Variants in CRTAP observed in about 807,000 individuals in gnomAD.
CRTAP encodes the protein cartilage associated protein.
In CRTAP, 33 loss-of-function variants were observed where a neutral mutation model predicts 42.7. The ratio of observed to expected loss-of-function variants is 0.77; its 90% CI spans 0.59 to 1.03. The LOEUF is 1.03. Ranked by LOEUF, CRTAP falls within the 50% of genes least tolerant of loss-of-function variation. CRTAP has a pLI of 0.00. For missense variants in CRTAP, 613 were observed against 533.9 expected, an observed-to-expected ratio of 1.15 and a Z score of -1.46; for synonymous variants, 243 against 217.7, an observed-to-expected ratio of 1.12 and a Z score of -1.02.
At position 33,129,827 on chromosome 3, in the gene CRTAP, G is replaced by A. The variant is rs574354724; in HGVS notation, c.794-112G>A. 7.0e-5 allele frequency: 76 copies of A among 1,086,832 alleles called. 1 individual carries two copies. The highest frequency in any genetic ancestry group is 3.2e-4 in the South Asian group (25 of 78,784). The allele number at this position is 1,086,832 out of a possible 1,614,324, so 67.3% of individuals were successfully genotyped here. On this transcript the variant is annotated intron_variant, in intron 3 of 6. Transcript: ENST00000320954. ...GCTGGGATTACAGGCGTGAGCCACC[G>A]CGCCCGGCCTGTAAATATTTTTCTT...
intron 1 of CRTAP, among the ~76,000 whole-genome samples, chr3:33,118,538 G>C (rs1559432435): frequency 1.3e-5 from 2 of 152,216 alleles, no homozygotes; most frequent in Non-Finnish European, 2.9e-5. Context: ...GTCTCAAAAT[G>C]ACTTGGTTCC....
At chr3:33,136,816 C>G (rs1192842673) in intron 6 of CRTAP, among the ~76,000 whole-genome samples, 2 of 152,168 alleles carry the variant, frequency 1.3e-5, no homozygotes, top group Non-Finnish European at 2.9e-5. Context: ...ATCCGCCCAC[C>G]TGACCCAAAT....
intron 4 of CRTAP, among the ~76,000 whole-genome samples, chr3:33,130,851 T>C (rs1480666174): frequency 1.3e-5 from 2 of 152,136 alleles, no homozygotes; most frequent in Admixed American, 6.5e-5. Flanking sequence ...TTCATTCTAG[T>C]TGGTCCTCCC....
At position 33,114,165 on chromosome 3, in the gene CRTAP, C is replaced by T. The variant is rs553076085; in HGVS notation, c.88C>T (p.Arg30Cys). Residue 30 changes from arginine (R) to cysteine (C), a missense_variant, in exon 1 of 7, where the codon CGC becomes TGC. Physicochemically the swap from Arg to Cys is radical, Grantham distance 180 (BLOSUM62 -3). Transcript: ENST00000320954. ...ALRAGRAQYERYSFRSFPRDE... is the reference protein window; with the variant it reads ...ALRAGRAQYECYSFRSFPRDE... ...GCGCGCCGGGCGCGCCCAATACGAACGCTACAGCTTCCGCAGCTTCCCACG... is the reference window on the plus strand; with the variant it reads ...GCGCGCCGGGCGCGCCCAATACGAATGCTACAGCTTCCGCAGCTTCCCACG... 77 of 1,588,852 alleles carry T rather than the reference C, an allele frequency of 4.8e-5. 2 individuals carry two copies. In the South Asian group the frequency reaches 8.0e-4, roughly 16 times the overall value.
chr3:33,115,708 G>A (rs903771868), intron 1 of CRTAP, among the ~76,000 whole-genome samples: 6 of 151,916 alleles, frequency 3.9e-5, no homozygotes, highest in Non-Finnish European at 1.5e-5. Context: ...TGAGGTAGAA[G>A]GTTTTTGTTT....
rs1156498902 is a variant in CRTAP at position 33,144,759 on chromosome 3, GAA to G, written c.*2314_*2315del. The G allele has an allele frequency of 6.6e-6, 1 of 152,280 alleles. No homozygotes were observed. Among genetic ancestry groups the G allele is most frequent in the Non-Finnish European group, 1.5e-5 (1 of 68,084 alleles). 9.4% of individuals were successfully genotyped at this position (152,280 alleles called of 1,614,324 possible). On this transcript the variant is annotated 3_prime_UTR_variant, in exon 7 of 7. Coordinates refer to ENST00000320954, the MANE Select transcript of CRTAP (RefSeq NM_006371.5). ...CTCTGAGTATTACTGAGAAGCAACA[GAA>G]AAGAGCCATGGATGGAGCCCTTGGG...
rs11558338 is a variant in CRTAP, at chr3:33,114,290, G to A, written c.213G>A (p.Leu71=). The A allele has an allele frequency of 0.11, 177,223 of 1,571,126 alleles. 15,116 individuals carry two copies. The highest frequency in any genetic ancestry group is 0.51 in the East Asian group (21,784 of 42,574). ...AESVGYLEIS[L]RLHRLLRDSE... ...GCGTGGGCTACCTGGAGATCAGCCT[G>A]CGGCTGCACCGCTTGCTGCGCGACA... is the stretch of plus-strand genomic sequence containing the variant. Residue 71 remains leucine (L), a synonymous_variant, in exon 1 of 7, where the codon CTG becomes CTA. Transcript: ENST00000320954.
chr3:33,119,555 T>G (rs1465384959), intron 1 of CRTAP, among the ~76,000 whole-genome samples: 1 of 152,174 alleles, frequency 6.6e-6, no homozygotes, highest in African/African-American at 2.4e-5. Flanking sequence ...ATGGTGCTCT[T>G]GTAATATGAC....
At chr3:33,114,644 T>A in intron 1 of CRTAP, 96 bp downstream of exon 1, 2 of 1,213,802 alleles carry the variant, frequency 1.6e-6, no homozygotes, top group Non-Finnish European at 2.3e-6. Context: ...GCGTTGCCCC[T>A]CCAGTTCTAG....
At chr3:33,132,502 T>G in intron 4 of CRTAP, 53 bp from the exon 5 acceptor site, 1 of 1,610,344 alleles carries the variant, frequency 6.2e-7, no homozygotes, top group Non-Finnish European at 8.5e-7. Flanking sequence ...AGCAGAGAAA[T>G]TATAGGGTGT....
At chr3:33,120,556 A>G in intron 2 of CRTAP, 63 bp downstream of exon 2, 6 of 1,554,002 alleles carry the variant, frequency 3.9e-6, no homozygotes, top group Non-Finnish European at 4.4e-6. Context: ...ATGTCTCTCC[A>G]TAAGCAGCTG....
At chr3:33,122,705 G>A (rs2029916430) in intron 2 of CRTAP, among the ~76,000 whole-genome samples, 1 of 76,548 alleles carries the variant, frequency 1.3e-5, no homozygotes, top group Non-Finnish European at 2.2e-5. Context: ...GCAAGACTCT[G>A]TCTCAAAAAA....
intron 6 of CRTAP, among the ~76,000 whole-genome samples, chr3:33,141,631 T>C (rs1369708402): frequency 6.6e-6 from 1 of 152,204 alleles, no homozygotes; most frequent in African/African-American, 2.4e-5. Context: ...TTGACTCTTA[T>C]GGAAGGGGCC....
At position 33,142,895 on chromosome 3, in the gene CRTAP, C is replaced by T. The variant is rs2030620244; in HGVS notation, c.*447C>T. On this transcript the variant is annotated 3_prime_UTR_variant, in exon 7 of 7. Transcript: ENST00000320954. ...TCTCGAACTCTTGACTTCAGATGAT[C>T]CATCTGCCTTGGCCTCCCACAGTGC... 1 of 204,576 alleles carries T rather than the reference C, an allele frequency of 4.9e-6. No homozygotes were observed. The highest frequency in any genetic ancestry group is 5.2e-5 in the Admixed American group (1 of 19,090). The allele number at this position is 204,576 out of a possible 1,614,324, so 12.7% of individuals were successfully genotyped here.
chr3:33,128,701 A>C (rs144700036), intron 3 of CRTAP, among the ~76,000 whole-genome samples: 1 of 152,152 alleles, frequency 6.6e-6, no homozygotes, highest in Non-Finnish European at 1.5e-5. Context: ...TGTTTCTGTA[A>C]ATTAATTTTA....
intron 1 of CRTAP, chr3:33,115,427 A>G (rs1575513250): frequency 6.6e-6 from 1 of 152,046 alleles, no homozygotes; most frequent in African/African-American, 2.4e-5. Flanking sequence ...ATGGCTGCTT[A>G]AGTTCTCTCT....
chr3:33,133,823 G>A (rs2030343417), intron 5 of CRTAP, among the ~76,000 whole-genome samples: 1 of 152,084 alleles, frequency 6.6e-6, no homozygotes, highest in African/African-American at 2.4e-5. Context: ...AGCATGTGTT[G>A]TCAGTGAACC....
At chr3:33,134,664 A>G (rs1575519331) in intron 6 of CRTAP, among the ~76,000 whole-genome samples, 1 of 152,202 alleles carries the variant, frequency 6.6e-6, no homozygotes, top group South Asian at 2.1e-4. Flanking sequence ...TCTTTACTGT[A>G]AGCATTTTGT....
chr3:33,144,133 A>C lies in CRTAP; in HGVS notation c.*1685A>C, dbSNP rs1348052332. On this transcript the variant is annotated 3_prime_UTR_variant, in exon 7 of 7. Coordinates refer to ENST00000320954, the MANE Select transcript of CRTAP (RefSeq NM_006371.5). ...CTTGGGCCTGGGCCACAGCAACAGCAGTGGTCAAATATCTAGATTTATTTT... is the reference window on the plus strand; with the variant it reads ...CTTGGGCCTGGGCCACAGCAACAGCCGTGGTCAAATATCTAGATTTATTTT... 1 of 152,282 alleles carries C rather than the reference A, an allele frequency of 6.6e-6. No homozygotes were observed. The highest frequency in any genetic ancestry group is 1.5e-5 in the Non-Finnish European group (1 of 68,066). 9.4% of individuals were successfully genotyped at this position (152,282 alleles called of 1,614,324 possible).
Sources: gnomAD v4.1 joint callset for allele counts (sites outside exome capture counted in the v4.1 genomes callset) on GRCh38, gnomAD v4.1.1 for gene constraint, MANE v1.5 for transcripts, NCBI Gene and HGNC (gene_info 2026-07-23, HGNC 2026-07-21) for gene names.